The following MARCHF1 variants were observed in gnomAD, a reference collection of about 807,000 sequenced individuals.
MARCHF1 encodes the protein membrane associated ring-CH-type finger 1, also known as E3 ubiquitin-protein ligase MARCHF1.
Under a neutral mutation model 54.2 loss-of-function variants are expected in MARCHF1, and 40 were observed. That is an observed-to-expected ratio of 0.74 (90% CI 0.57 to 0.96). MARCHF1 has a LOEUF of 0.96. Among genes scored for constraint, MARCHF1 ranks in the 40% least tolerant of loss-of-function variants. The probability of loss-of-function intolerance (pLI) is 0.00; values close to 1 mark genes in which losing one functional copy is unlikely to be tolerated. For missense variants in MARCHF1, 586 were observed against 656.5 expected (o/e 0.89, Z 1.17); for synonymous variants, 236 against 236.3 (o/e 1.00, Z 0.01).
intron 1 of MARCHF1, among the ~76,000 whole-genome samples, chr4:164,225,017 G>A (rs1413406206): frequency 1.3e-5 from 2 of 151,942 alleles, no homozygotes; most frequent in African/African-American, 4.8e-5. Context: ...TTTCTTTGTT[G>A]TCACTAAGAC....
chr4:163,998,878 A>G (rs1218115508), intron 2 of MARCHF1, among the ~76,000 whole-genome samples: 2 of 151,748 alleles, frequency 1.3e-5, no homozygotes. Context: ...GGTTGATTCT[A>G]TATCTTAACT....
At chr4:163,781,485 T>C (rs771477921) in intron 4 of MARCHF1, among the ~76,000 whole-genome samples, 1 of 152,194 alleles carries the variant, frequency 6.6e-6, no homozygotes, top group Non-Finnish European at 1.5e-5. Flanking sequence ...TCTTGATAAG[T>C]GACATGGAAT....
chr4:163,628,824 C>A (rs1741965565), intron 5 of MARCHF1, among the ~76,000 whole-genome samples: 1 of 152,012 alleles, frequency 6.6e-6, no homozygotes, highest in African/African-American at 2.4e-5. Flanking sequence ...AAAAAAATAC[C>A]TAGGAATACA....
chr4:164,181,698 C>T (rs77759627), intron 1 of MARCHF1, among the ~76,000 whole-genome samples: 22,196 of 152,014 alleles, frequency 0.15, 2,190 homozygotes, highest in African/African-American at 0.26. Context: ...ATGTGATAAG[C>T]GCTGCTTAGA....
intron 1 of MARCHF1, among the ~76,000 whole-genome samples, chr4:164,373,966 G>T (rs1322605206): frequency 1.3e-5 from 2 of 152,138 alleles, no homozygotes; most frequent in African/African-American, 4.8e-5. Context: ...CCATGAAACT[G>T]CTCTCTCCAT....
intron 3 of MARCHF1, among the ~76,000 whole-genome samples, chr4:163,929,714 G>A (rs1751613901): frequency 6.6e-6 from 1 of 150,518 alleles, no homozygotes; most frequent in South Asian, 2.1e-4. Context: ...TATAATATGT[G>A]GTAGAAATAA....
At chr4:163,902,411 G>T (rs562013695) in intron 3 of MARCHF1, among the ~76,000 whole-genome samples, 1 of 152,144 alleles carries the variant, frequency 6.6e-6, no homozygotes, top group Non-Finnish European at 1.5e-5. Context: ...ATCTTAAGTG[G>T]CATTAATACG....
intron 1 of MARCHF1, among the ~76,000 whole-genome samples, chr4:164,230,009 G>C (rs1406567257): frequency 2.0e-5 from 3 of 152,096 alleles, no homozygotes; most frequent in Non-Finnish European, 4.4e-5. Context: ...GACTTTCTGG[G>C]CTCAAGCAAT....
At chr4:163,853,946 G>A in intron 4 of MARCHF1, 75 bp downstream of exon 4, 1 of 1,278,692 alleles carries the variant, frequency 7.8e-7, no homozygotes, top group South Asian at 1.4e-5. Context: ...TTACTTATAA[G>A]GTCATCCTCT....
chr4:164,061,472 A>C (rs1475438558), intron 2 of MARCHF1, among the ~76,000 whole-genome samples: 1 of 136,198 alleles, frequency 7.3e-6, no homozygotes, highest in Admixed American at 8.5e-5. Context: ...TATTAACATT[A>C]TACTGTAATG....
chr4:163,695,034 C>T (rs1478632256), intron 5 of MARCHF1, among the ~76,000 whole-genome samples: 3 of 152,018 alleles, frequency 2.0e-5, no homozygotes, highest in Admixed American at 2.0e-4. Flanking sequence ...CCAAACTTAC[C>T]CTCTAAAGGT....
chr4:164,381,633 T>G (rs535403370), intron 1 of MARCHF1, among the ~76,000 whole-genome samples: 23 of 152,354 alleles, frequency 1.5e-4, no homozygotes, highest in African/African-American at 5.5e-4. Context: ...GCTGATTATC[T>G]GATCAGAGTT....
chr4:163,809,133 A>G (rs1298334920), intron 4 of MARCHF1, among the ~76,000 whole-genome samples: 1 of 152,130 alleles, frequency 6.6e-6, no homozygotes, highest in Admixed American at 6.5e-5. Context: ...GTAAATAACA[A>G]TCAACAACAC....
intron 1 of MARCHF1, among the ~76,000 whole-genome samples, chr4:164,206,978 C>T (rs1731624468): frequency 6.6e-6 from 1 of 151,906 alleles, no homozygotes; most frequent in African/African-American, 2.4e-5. Context: ...ACCATAAATA[C>T]TAAATAAAAG....
Position 164,048,206 on chromosome 4 carries a change from A to C in MARCHF1, c.-247-59497T>G, listed in dbSNP as rs1023769494. Among the ~76,000 whole-genome samples, 13 of 152,250 alleles carry C rather than the reference A, an allele frequency of 8.5e-5. No homozygotes were observed. In the South Asian group the frequency reaches 2.7e-3, roughly 32 times the overall value. ...CTGATTTTTTAAATAGATATTTTTA[A>C]ATCAGCTTAAACAAATCAGTATTTT... On this transcript the variant is annotated intron_variant, in intron 2 of 9. Coordinates refer to ENST00000514618, the MANE Select transcript of MARCHF1 (RefSeq NM_001394959.1).
intron 4 of MARCHF1, among the ~76,000 whole-genome samples, chr4:163,771,421 AG>A (rs1207112716): frequency 5.9e-5 from 9 of 152,330 alleles, no homozygotes; most frequent in African/African-American, 2.2e-4. Flanking sequence ...TCATAACAAC[AG>A]GAATTTCTCA....
chr4:163,802,862 G>A (rs1367178452), intron 4 of MARCHF1, among the ~76,000 whole-genome samples: 1 of 152,196 alleles, frequency 6.6e-6, no homozygotes, highest in Non-Finnish European at 1.5e-5. Flanking sequence ...TGAATGTTAT[G>A]TTACAGAGAG....
intron 3 of MARCHF1, among the ~76,000 whole-genome samples, chr4:163,864,152 T>G (rs961868044): frequency 1.3e-5 from 2 of 151,914 alleles, no homozygotes. Flanking sequence ...GAAACTGCCT[T>G]CCGAAGAGTA....
intron 3 of MARCHF1, among the ~76,000 whole-genome samples, chr4:163,870,283 T>A (rs1019158835): frequency 6.6e-6 from 1 of 152,148 alleles, no homozygotes; most frequent in African/African-American, 2.4e-5. Flanking sequence ...CTCATTAAGA[T>A]GTGTCTGAAA....
Sources: allele counts gnomAD v4.1 joint callset (sites outside exome capture counted in the v4.1 genomes callset), GRCh38; gene constraint gnomAD v4.1.1; transcripts MANE v1.5; gene names NCBI Gene and HGNC (gene_info 2026-07-23, HGNC 2026-07-21).